ADAMTS17: variants seen among roughly 807,000 people sequenced by gnomAD.
ADAMTS17 encodes ADAM metallopeptidase with thrombospondin type 1 motif 17.
In ADAMTS17, 113 loss-of-function variants were observed where a neutral mutation model predicts 141.5. The ratio of observed to expected loss-of-function variants is 0.80; its 90% CI spans 0.69 to 0.93. The LOEUF is 0.93. Ranked by LOEUF, ADAMTS17 falls within the 40% of genes least tolerant of loss-of-function variation. ADAMTS17 has a pLI of 0.00. For missense variants in ADAMTS17, 1,659 were observed against 1,517.9 expected (o/e 1.09, Z -1.54); for synonymous variants, 768 against 630.6 (o/e 1.22, Z -3.27).
At chr15:100,014,757 T>C (rs1322806340) in intron 18 of ADAMTS17, among the ~76,000 whole-genome samples, 5 of 152,222 alleles carry the variant, frequency 3.3e-5, no homozygotes, top group African/African-American at 4.8e-5. Flanking sequence ...CTTAAATTTA[T>C]TGAGGCTCAT....
chr15:100,096,336 C>T lies in ADAMTS17; in HGVS notation c.2137+20G>A, dbSNP rs759581015. On this transcript the variant is annotated intron_variant, in intron 15 of 21. Transcript: ENST00000268070. ...ACACAAAACACTGTAGCCACAGCAG[C>T]CCCATGGGCCAACACTCACCTGTCC... 1.4e-5 allele frequency: 23 copies of T among 1,612,494 alleles called. No homozygotes were observed. The Admixed American group carries it at 3.2e-4, about 22-fold the overall frequency.
At chr15:99,999,030 G>T (rs900615020) in intron 18 of ADAMTS17, among the ~76,000 whole-genome samples, 6 of 152,198 alleles carry the variant, frequency 3.9e-5, no homozygotes, top group African/African-American at 1.4e-4. Flanking sequence ...CCACTGGCAG[G>T]ATCCTTTGAA....
chr15:100,178,404 C>T (rs1043265315), intron 8 of ADAMTS17, among the ~76,000 whole-genome samples: 2 of 152,120 alleles, frequency 1.3e-5, no homozygotes, highest in Non-Finnish European at 2.9e-5. Flanking sequence ...CTGAGTTAAG[C>T]AGAGAAATGT....
chr15:100,252,447 G>A (rs932838555), intron 7 of ADAMTS17, among the ~76,000 whole-genome samples: 4 of 152,202 alleles, frequency 2.6e-5, no homozygotes, highest in African/African-American at 9.7e-5. Flanking sequence ...ACAGGCAAGC[G>A]CCACACGATT....
intron 7 of ADAMTS17, among the ~76,000 whole-genome samples, chr15:100,244,090 G>A (rs1347616153): frequency 6.6e-6 from 1 of 152,024 alleles, no homozygotes; most frequent in African/African-American, 2.4e-5. Flanking sequence ...GCAAAGGGGA[G>A]AAAAGTCACA....
At chr15:100,060,228 A>C (rs1258586176) in intron 15 of ADAMTS17, among the ~76,000 whole-genome samples, 1 of 152,176 alleles carries the variant, frequency 6.6e-6, no homozygotes, top group Admixed American at 6.5e-5. Flanking sequence ...CCAAAACATA[A>C]CTATGCTCAC....
At position 100,036,289 on chromosome 15, in the gene ADAMTS17, G is replaced by A. The variant is rs144530962; in HGVS notation, c.2591+12568C>T. Among the ~76,000 whole-genome samples the A allele has an allele frequency of 1.3e-3, 199 of 152,380 alleles. 1 individual carries two copies. Among genetic ancestry groups the A allele is most frequent in the African/African-American group, 4.5e-3 (189 of 41,594 alleles). ...ACGGACCACACTGGGCAAATTCTCT[G>A]TCTTAGGACAGAGGCGCTGGGAGAA... is the stretch of plus-strand genomic sequence containing the variant. On this transcript the variant is annotated intron_variant, in intron 18 of 21. Transcript: ENST00000268070.
chr15:100,322,263 G>A (rs962640663), intron 3 of ADAMTS17, among the ~76,000 whole-genome samples: 1 of 152,148 alleles, frequency 6.6e-6, no homozygotes, highest in Non-Finnish European at 1.5e-5. Flanking sequence ...GCAACAAGGT[G>A]ACTGGAAAGT....
chr15:100,245,836 G>T (rs2042969665), intron 7 of ADAMTS17, among the ~76,000 whole-genome samples: 1 of 152,196 alleles, frequency 6.6e-6, no homozygotes, highest in Non-Finnish European at 1.5e-5. Flanking sequence ...CACACACACT[G>T]CACACTTCCA....
intron 7 of ADAMTS17, among the ~76,000 whole-genome samples, chr15:100,252,307 A>C (rs2043179534): frequency 6.6e-6 from 1 of 152,112 alleles, no homozygotes; most frequent in Non-Finnish European, 1.5e-5. Flanking sequence ...TCATTCATTC[A>C]GTTCTTCATT....
At chr15:100,291,310 C>T (rs950208658) in intron 3 of ADAMTS17, among the ~76,000 whole-genome samples, 4 of 152,180 alleles carry the variant, frequency 2.6e-5, no homozygotes, top group African/African-American at 9.7e-5. Context: ...CCATCTCATA[C>T]CAGTTAGAAT....
At chr15:100,269,002 T>C (rs774388270) in intron 4 of ADAMTS17, among the ~76,000 whole-genome samples, 15 of 152,058 alleles carry the variant, frequency 9.9e-5, no homozygotes, top group Non-Finnish European at 1.9e-4. Flanking sequence ...ATCTAATCTT[T>C]GACAAAGTTA....
intron 7 of ADAMTS17, among the ~76,000 whole-genome samples, chr15:100,242,186 C>T (rs1420228222): frequency 1.3e-5 from 2 of 152,192 alleles, no homozygotes; most frequent in Non-Finnish European, 2.9e-5. Context: ...GCATCCTGCC[C>T]TTGTGGTTAA....
intron 18 of ADAMTS17, among the ~76,000 whole-genome samples, chr15:100,039,606 T>C (rs932386722): frequency 6.6e-6 from 1 of 152,222 alleles, no homozygotes; most frequent in Non-Finnish European, 1.5e-5. Context: ...CCAGAAAACA[T>C]ACCTAGTATT....
At chr15:100,326,816 T>G (rs970237868) in intron 3 of ADAMTS17, among the ~76,000 whole-genome samples, 4 of 152,108 alleles carry the variant, frequency 2.6e-5, no homozygotes, top group Admixed American at 6.5e-5. Flanking sequence ...AAAAGAAGGG[T>G]TGACCTCATC....
At chr15:100,172,141 C>G (rs2040183542) in intron 8 of ADAMTS17, among the ~76,000 whole-genome samples, 1 of 152,164 alleles carries the variant, frequency 6.6e-6, no homozygotes, top group African/African-American at 2.4e-5. Flanking sequence ...CAGGAAGGAT[C>G]CAGCTCAATT....
chr15:100,066,718 C>A (rs1383544), intron 15 of ADAMTS17, among the ~76,000 whole-genome samples: 133,992 of 151,560 alleles, frequency 0.88, 59,769 homozygotes, highest in South Asian at 0.97. Flanking sequence ...CATCCTTCTA[C>A]GTGTCGTTCC....
Position 100,152,596 on chromosome 15 carries a change from T to A in ADAMTS17, c.1473+16A>T. On this transcript the variant is annotated intron_variant, in intron 10 of 21. Coordinates refer to ENST00000268070, the MANE Select transcript of ADAMTS17 (RefSeq NM_139057.4). ...TCCATGCTCTGTCCCGAGCCAGCCC[T>A]CCCACGGCTGCTTACCTCCATGTTT... 1.9e-6 allele frequency: 3 copies of A among 1,552,256 alleles called. No homozygotes were observed. The highest frequency in any genetic ancestry group is 1.8e-6 in the Non-Finnish European group (2 of 1,138,408).
intron 4 of ADAMTS17, among the ~76,000 whole-genome samples, chr15:100,279,290 T>C (rs912625359): frequency 1.3e-5 from 2 of 152,130 alleles, no homozygotes; most frequent in East Asian, 1.9e-4. Context: ...TCCCCAGCAC[T>C]TACCCCTGAG....
Sources: gnomAD v4.1 joint callset for allele counts (sites outside exome capture counted in the v4.1 genomes callset) on GRCh38, gnomAD v4.1.1 for gene constraint, MANE v1.5 for transcripts, NCBI Gene and HGNC (gene_info 2026-07-23, HGNC 2026-07-21) for gene names.